The following MACF1 variants were observed in gnomAD, a reference collection of about 807,000 sequenced individuals.
MACF1 encodes microtubule actin crosslinking factor 1, also known as microtubule-actin cross-linking factor 1.
In MACF1, 193 loss-of-function variants were observed where a neutral mutation model predicts 854.8. The observed-to-expected ratio is 0.23, with a 90% CI of 0.20 to 0.25. MACF1 has a LOEUF of 0.25. MACF1 is among the 10% of genes least tolerant of loss of function. The pLI, the probability that MACF1 is intolerant of heterozygous loss-of-function variation, is 1.00. For synonymous variants in MACF1, 3,185 were observed against 3,226.7 expected, an observed-to-expected ratio of 0.99 and a Z score of 0.44; for missense variants, 7,722 against 8,929.1, an observed-to-expected ratio of 0.86 and a Z score of 5.45.
At chr1:39,341,035 C>CTTTT in intron 40 of MACF1, 82 bp downstream of exon 40, 13 of 924,456 alleles carry the variant, frequency 1.4e-5, no homozygotes, top group African/African-American at 1.8e-5. Flanking sequence ...CCATATTTAT[C>CTTTT]TTTTTTTTTT....
At chr1:39,114,182 G>GT (rs10715454) in intron 2 of MACF1, among the ~76,000 whole-genome samples, 52,234 of 142,284 alleles carry the variant, frequency 0.37, 10,927 homozygotes, top group Non-Finnish European at 0.48. Flanking sequence ...ATACTTTACT[G>GT]TTTTTTTTTT....
At chr1:39,186,414 G>T (rs568711847) in intron 2 of MACF1, among the ~76,000 whole-genome samples, 87 of 151,458 alleles carry the variant, frequency 5.7e-4, no homozygotes, top group Non-Finnish European at 9.6e-4. Context: ...TTACAGGCAC[G>T]CGCCACCACG....
chr1:39,295,359 A>G (rs143554184), intron 19 of MACF1, among the ~76,000 whole-genome samples: 1 of 152,362 alleles, frequency 6.6e-6, no homozygotes, highest in East Asian at 1.9e-4. Context: ...TACTAAGAGA[A>G]ACAATAGAAG....
At chr1:39,413,980 G>C (rs1370468714) in intron 58 of MACF1, 1 of 1,607,790 alleles carries the variant, frequency 6.2e-7, no homozygotes, top group South Asian at 1.1e-5. Context: ...GTCCAACCCA[G>C]AGGAGCCCAC....
At chr1:39,306,653 G>A (rs1199536631) in intron 23 of MACF1, among the ~76,000 whole-genome samples, 1 of 137,730 alleles carries the variant, frequency 7.3e-6, no homozygotes, top group Admixed American at 7.8e-5. Flanking sequence ...CTGTAGGCCT[G>A]ATTCAGTCAG....
chr1:39,379,466 C>T (rs1388702434), intron 54 of MACF1, 22 bp downstream of exon 54: 1 of 1,591,848 alleles, frequency 6.3e-7, no homozygotes, highest in Non-Finnish European at 8.5e-7. Flanking sequence ...ACATTAGTTG[C>T]CTCCCAACAC....
At chr1:39,413,793 G>A in intron 58 of MACF1, 1 of 1,611,776 alleles carries the variant, frequency 6.2e-7, no homozygotes, top group Non-Finnish European at 8.5e-7. Flanking sequence ...CTGCTGCAGT[G>A]CCCACCCCAG....
chr1:39,460,949 A>C lies in MACF1; in HGVS notation c.21523+155A>C, dbSNP rs1487998115. Among the ~76,000 whole-genome samples the C allele has an allele frequency of 6.6e-6, 1 of 152,022 alleles. No homozygotes were observed. Reference sequence around the variant, plus strand: ...ACTTTGGGAGGCAGGTGGCAAAGGCATGGTGGCACACTTGCAGTCCTAGCT... The same window carrying C: ...ACTTTGGGAGGCAGGTGGCAAAGGCCTGGTGGCACACTTGCAGTCCTAGCT... On this transcript the variant is annotated intron_variant, in intron 92 of 100. Transcript: ENST00000564288. The surrounding 1 kb of genome is among the most constrained non-coding windows in gnomAD (Gnocchi z 4.1).
chr1:39,399,307 A>G (rs1451663137), intron 58 of MACF1, among the ~76,000 whole-genome samples: 3 of 146,906 alleles, frequency 2.0e-5, no homozygotes. Flanking sequence ...TACCCCAGAC[A>G]CTCCTTATAC....
intron 40 of MACF1, 139 bp downstream of exon 40, chr1:39,341,092 G>A (rs1197573733): frequency 2.7e-6 from 2 of 731,926 alleles, no homozygotes; most frequent in East Asian, 3.0e-5. Context: ...GGAGTGCAGT[G>A]GCACAATCCC....
intron 2 of MACF1, among the ~76,000 whole-genome samples, chr1:39,186,253 T>G (rs922466099): frequency 7.3e-5 from 10 of 136,516 alleles, no homozygotes; most frequent in Admixed American, 7.5e-5. Flanking sequence ...TGTGTTTTGG[T>G]GGGGGGTGAA....
chr1:39,123,013 A>G (rs1330860438), intron 2 of MACF1, among the ~76,000 whole-genome samples: 1 of 151,956 alleles, frequency 6.6e-6, no homozygotes, highest in African/African-American at 2.4e-5. Flanking sequence ...CAAAGGACTA[A>G]TTAGGAGGTT....
At chr1:39,141,540 T>C (rs1643345691) in intron 2 of MACF1, among the ~76,000 whole-genome samples, 1 of 152,224 alleles carries the variant, frequency 6.6e-6, no homozygotes, top group African/African-American at 2.4e-5. Context: ...TAAAGTGTTT[T>C]ACTGTTACCA....
Position 39,292,022 on chromosome 1 carries a change from A to C in MACF1, c.1898A>C (p.Glu633Ala). ...SVEELGSSVK[E>A]ARLYEGKMSQ... ...GAAGAGCTGGGCTCAAGTGTCAAGG[A>C]GGCCAGGTTGTATGAGGTGCGTAGC... The change falls in exon 16 of 101, where the codon GAG becomes GCG. Residue 633 changes from glutamate (E) to alanine (A), a missense_variant. Coordinates refer to ENST00000564288, the MANE Select transcript of MACF1 (RefSeq NM_001394062.1). 1 of 1,614,014 alleles carries C rather than the reference A, an allele frequency of 6.2e-7. No homozygotes were observed.
At position 39,285,711 on chromosome 1, in the gene MACF1, G is replaced by T. The variant is rs750820901; in HGVS notation, c.1461G>T (p.Gln487His). The T allele has an allele frequency of 1.2e-6, 2 of 1,614,050 alleles. No individual in the cohort carries two copies. The highest frequency in any genetic ancestry group is 1.7e-6 in the Non-Finnish European group (2 of 1,180,032). Reference protein sequence around the residue: ...GLIRQLQVDLQILRDENYYQL... With the variant: ...GLIRQLQVDLHILRDENYYQL... ...TCAGGCAGCTGCAGGTGGATCTCCA[G>T]ATCCTGCGGGATGAGAATTACTACC... is the stretch of plus-strand genomic sequence containing the variant. Residue 487 changes from glutamine (Q) to histidine (H), a missense_variant, in exon 14 of 101, where the codon CAG becomes CAT. Physicochemically the swap from Gln to His is conservative, Grantham distance 24. Around this residue, in one of 15 missense-constraint regions of MACF1, gnomAD observed 1,137 missense variants for 1,263.0 expected, o/e 0.90. Coordinates refer to ENST00000564288, the MANE Select transcript of MACF1 (RefSeq NM_001394062.1).
chr1:39,198,039 A>T (rs961004586), intron 2 of MACF1, among the ~76,000 whole-genome samples: 17 of 151,940 alleles, frequency 1.1e-4, no homozygotes, highest in African/African-American at 3.9e-4. Context: ...CTCTGCAAAA[A>T]ACACAAAAAT....
At chr1:39,406,025 G>A (rs895310896) in intron 58 of MACF1, among the ~76,000 whole-genome samples, 1 of 152,162 alleles carries the variant, frequency 6.6e-6, no homozygotes, top group Non-Finnish European at 1.5e-5. Flanking sequence ...TTAAGACATG[G>A]AGGAGAACTT....
At position 39,410,658 on chromosome 1, in the gene MACF1, A is replaced by T. The variant is rs771127706; in HGVS notation, c.15817-11716A>T. 4 of 1,613,914 alleles carry T rather than the reference A, an allele frequency of 2.5e-6. No individual in the cohort carries two copies. In the South Asian group the frequency reaches 3.3e-5, roughly 13 times the overall value. ...AACGCAAAGACAATGTTAACAGGAG[A>T]TCGTGGAAGTCCTTCATGCCACCCA... On this transcript the variant is annotated intron_variant, in intron 58 of 100. Coordinates refer to ENST00000564288, the MANE Select transcript of MACF1 (RefSeq NM_001394062.1).
In MACF1 at chr1:39,424,047, A is replaced by G. The variant is rs1459939974; in HGVS notation, c.16169A>G (p.Asp5390Gly). The change falls in exon 61 of 101, where the codon GAT (aspartate) becomes GGT (glycine). Residue 5390 changes from aspartate (D) to glycine (G), a missense_variant. Asp to Gly is a moderately conservative substitution (Grantham distance 94). Around this residue, in one of 15 missense-constraint regions of MACF1, gnomAD observed 2,807 missense variants for 3,235.8 expected, o/e 0.87. Coordinates refer to ENST00000564288, the MANE Select transcript of MACF1 (RefSeq NM_001394062.1). ...TAATAGTTGCTCCAGCGGCTCCTAG[A>G]TGATCGAAAGGCCACAGTAGACATG... ...QEQKLLQRLL[D>G]DRKATVDMLQ... 6.2e-7 allele frequency: 1 copy of G among 1,611,540 alleles called. No homozygotes were observed. Among genetic ancestry groups the G allele is most frequent in the East Asian group, 2.2e-5 (1 of 44,794 alleles).
Sources: gnomAD v4.1 joint callset for allele counts (sites outside exome capture counted in the v4.1 genomes callset) on GRCh38, gnomAD v4.1.1 for gene constraint, gnomAD v4.1.1 regional missense constraint, Gnocchi (gnomAD v3.1) non-coding constraint, MANE v1.5 for transcripts, NCBI Gene and HGNC (gene_info 2026-07-23, HGNC 2026-07-21) for gene names.